Variants in DLGAP2 observed in about 807,000 individuals in gnomAD.
The protein encoded by DLGAP2 is disks large-associated protein 2.
A neutral mutation model predicts 100.3 loss-of-function variants in DLGAP2; 26 were observed. The observed-to-expected ratio is 0.26, with a 90% confidence interval of 0.19 to 0.36. The LOEUF is 0.36. Among genes scored for constraint, DLGAP2 ranks in the 10% least tolerant of loss-of-function variants. The pLI is 1.00. For missense variants in DLGAP2, 1,858 were observed against 1,453.2 expected (o/e 1.28, Z -4.53); for synonymous variants, 886 against 630.1 (o/e 1.41, Z -6.08).
At chr8:1,523,814 C>G (rs1415165315) in intron 4 of DLGAP2, among the ~76,000 whole-genome samples, 1 of 152,228 alleles carries the variant, frequency 6.6e-6, no homozygotes, top group African/African-American at 2.4e-5. Flanking sequence ...GCAGTTCCTG[C>G]ACGTCACAGC....
intron 3 of DLGAP2, among the ~76,000 whole-genome samples, chr8:1,378,807 C>G (rs1157543108): frequency 6.6e-6 from 1 of 152,196 alleles, no homozygotes; most frequent in South Asian, 2.1e-4. Context: ...TTCATTTCCC[C>G]AGATTCTTTC....
At chr8:1,159,439 G>A (rs764196294) in intron 2 of DLGAP2, among the ~76,000 whole-genome samples, 10 of 152,152 alleles carry the variant, frequency 6.6e-5, no homozygotes, top group South Asian at 2.1e-4. Context: ...GAGATGTATC[G>A]TATGTCGACA....
At chr8:1,445,454 G>A (rs1477923359) in intron 3 of DLGAP2, among the ~76,000 whole-genome samples, 1 of 151,796 alleles carries the variant, frequency 6.6e-6, no homozygotes, top group Non-Finnish European at 1.5e-5. Context: ...ATTCCATGGT[G>A]TATATGTGCC....
intron 3 of DLGAP2, among the ~76,000 whole-genome samples, chr8:1,487,784 C>G (rs965291353): frequency 6.6e-5 from 10 of 152,206 alleles, no homozygotes. Context: ...TCCTCATCCT[C>G]AAGGGCTGGT....
intron 2 of DLGAP2, among the ~76,000 whole-genome samples, chr8:928,479 G>A (rs1377287399): frequency 2.0e-5 from 3 of 152,178 alleles, no homozygotes; most frequent in African/African-American, 2.4e-5. Flanking sequence ...CCAGCTTGGT[G>A]CTCAGGTGCC....
At chr8:809,014 C>T (rs148859438) in intron 1 of DLGAP2, among the ~76,000 whole-genome samples, 1 of 149,576 alleles carries the variant, frequency 6.7e-6, no homozygotes, top group East Asian at 2.0e-4. Flanking sequence ...TCAAGAGATT[C>T]TGTTGCCTCA....
chr8:1,682,000 C>T (rs772024074), intron 12 of DLGAP2, among the ~76,000 whole-genome samples: 6 of 152,196 alleles, frequency 3.9e-5, no homozygotes, highest in Non-Finnish European at 8.8e-5. Flanking sequence ...GAAGGCTCTG[C>T]CTTTCCACCC....
intron 4 of DLGAP2, among the ~76,000 whole-genome samples, chr8:1,517,399 C>T (rs1172798716): frequency 1.3e-5 from 2 of 152,122 alleles, no homozygotes; most frequent in Non-Finnish European, 2.9e-5. Context: ...AGGGGCACCC[C>T]TGGGCGCCCA....
At chr8:1,466,077 G>A (rs899668043) in intron 3 of DLGAP2, among the ~76,000 whole-genome samples, 8 of 152,156 alleles carry the variant, frequency 5.3e-5, no homozygotes, top group Non-Finnish European at 1.0e-4. Flanking sequence ...GTCTGCTTGT[G>A]CTGTCTGACA....
At position 894,725 on chromosome 8, in the gene DLGAP2, G is replaced by A. The variant is rs1378903378; in HGVS notation, c.19-13187G>A. ...GTGGCATGGGAAGAGCAGAGTGGTG[G>A]CTGGCAGGGCAGGGTGGGGAGAGCG... On this transcript the variant is annotated intron_variant, in intron 1 of 14. Coordinates refer to ENST00000637795, the MANE Select transcript of DLGAP2 (RefSeq NM_001346810.2). 1.3e-4 allele frequency among the ~76,000 whole-genome samples: 18 copies of A among 138,626 alleles called. No homozygotes were observed. In the East Asian group the frequency reaches 3.7e-3, roughly 29 times the overall value. The allele number at this position is 138,626 out of a possible 152,430, so 90.9% of individuals were successfully genotyped here.
At chr8:1,391,192 GTT>G (rs1563122488) in intron 3 of DLGAP2, among the ~76,000 whole-genome samples, 2 of 152,226 alleles carry the variant, frequency 1.3e-5, no homozygotes, top group African/African-American at 4.8e-5. Context: ...TAACTCAGAA[GTT>G]CCCATGGGGA....
At chr8:1,138,325 G>C (rs1027323668) in intron 2 of DLGAP2, among the ~76,000 whole-genome samples, 5 of 152,212 alleles carry the variant, frequency 3.3e-5, no homozygotes, top group Non-Finnish European at 4.4e-5. Flanking sequence ...TGCCGATGAA[G>C]ACCTCACAGG....
chr8:874,238 G>T (rs1327971400), intron 1 of DLGAP2, among the ~76,000 whole-genome samples: 7 of 149,898 alleles, frequency 4.7e-5, no homozygotes, highest in Non-Finnish European at 5.9e-5. Flanking sequence ...TCTTTTTTCT[G>T]CCTGCTTTAC....
At chr8:1,595,929 T>C (rs1796445402) in intron 6 of DLGAP2, among the ~76,000 whole-genome samples, 1 of 152,018 alleles carries the variant, frequency 6.6e-6, no homozygotes. Context: ...CGGGCAGGTT[T>C]GTTACATATG....
At chr8:1,111,379 G>A in intron 2 of DLGAP2, among the ~76,000 whole-genome samples, 1 of 152,024 alleles carries the variant, frequency 6.6e-6, no homozygotes, top group East Asian at 1.9e-4. Context: ...TGTGACCTTG[G>A]GCGTGTTTCT....
At chr8:1,028,107 G>A (rs371138560) in intron 2 of DLGAP2, among the ~76,000 whole-genome samples, 24 of 133,202 alleles carry the variant, frequency 1.8e-4, no homozygotes, top group Middle Eastern at 6.0e-3. Context: ...GGTGCCAGGG[G>A]CCCGTTATTC....
intron 2 of DLGAP2, among the ~76,000 whole-genome samples, chr8:1,007,067 C>T (rs936845322): frequency 1.3e-5 from 2 of 151,844 alleles, no homozygotes; most frequent in Non-Finnish European, 2.9e-5. Context: ...CACCTTGTGT[C>T]TGAAGTCTCA....
chr8:1,356,005 C>G (rs941725421), intron 3 of DLGAP2, among the ~76,000 whole-genome samples: 2 of 152,108 alleles, frequency 1.3e-5, no homozygotes, highest in Admixed American at 6.5e-5. Context: ...TTGTGTATTT[C>G]CCCCCTCCCT....
chr8:1,075,488 T>C (rs1485705618), intron 2 of DLGAP2, among the ~76,000 whole-genome samples: 1 of 152,148 alleles, frequency 6.6e-6, no homozygotes, highest in Non-Finnish European at 1.5e-5. Context: ...TTCCCTCTAC[T>C]GTCCTCTTCT....
Sources: allele counts gnomAD v4.1 joint callset (sites outside exome capture counted in the v4.1 genomes callset), GRCh38; gene constraint gnomAD v4.1.1; transcripts MANE v1.5; gene names NCBI Gene and HGNC (gene_info 2026-07-23, HGNC 2026-07-21).